CDC42BPA: variants seen among roughly 807,000 people sequenced by gnomAD.
CDC42BPA encodes the protein CDC42 binding protein kinase alpha.
In CDC42BPA, 80 loss-of-function variants were observed where a neutral mutation model predicts 223.5. The observed-to-expected ratio is 0.36, with a 90% CI of 0.30 to 0.43. The LOEUF (loss-of-function observed/expected upper bound fraction) is 0.43. Among genes scored for constraint, CDC42BPA ranks in the 20% least tolerant of loss-of-function variants. The probability of loss-of-function intolerance (pLI) is 1.00; values close to 1 mark genes in which losing one functional copy is unlikely to be tolerated. For missense variants in CDC42BPA, 1,743 were observed against 2,099.9 expected (o/e 0.83, Z 3.32); for synonymous variants, 694 against 718.6 (o/e 0.97, Z 0.55).
At chr1:227,056,676 C>G (rs1027084389) in intron 21 of CDC42BPA, among the ~76,000 whole-genome samples, 14 of 152,328 alleles carry the variant, frequency 9.2e-5, no homozygotes, top group East Asian at 1.9e-4. Flanking sequence ...CAGGCGTGAG[C>G]TACCATGCCT....
intron 3 of CDC42BPA, among the ~76,000 whole-genome samples, chr1:227,211,804 C>T (rs1673957810): frequency 6.6e-6 from 1 of 152,004 alleles, no homozygotes; most frequent in African/African-American, 2.4e-5. Context: ...GACAAGTTGC[C>T]TATTGGGTCC....
rs373384342 is a variant in CDC42BPA, at chr1:227,080,085, C to G, written c.2480+808G>C. Among the ~76,000 whole-genome samples, 191 of 152,192 alleles carry G rather than the reference C, an allele frequency of 1.3e-3. 2 individuals are homozygous for G. The highest frequency in any genetic ancestry group is 4.2e-3 in the African/African-American group (176 of 41,552). On this transcript the variant is annotated intron_variant, in intron 17 of 36. Transcript: ENST00000366766. ...AAATTTTCTACTTGTGGTGTCACGT[C>G]AGCACTCATAAAGTTTCACGTTTTG...
At chr1:227,206,990 TTACACATG>T (rs1672854561) in intron 3 of CDC42BPA, among the ~76,000 whole-genome samples, 1 of 151,966 alleles carries the variant, frequency 6.6e-6, no homozygotes, top group Admixed American at 6.6e-5. Context: ...TGCAGGTTTG[TTACACATG>T]TATACATGTG....
chr1:227,296,551 C>T (rs990524762), intron 1 of CDC42BPA, among the ~76,000 whole-genome samples: 1 of 151,606 alleles, frequency 6.6e-6, no homozygotes, highest in Admixed American at 6.6e-5. Flanking sequence ...ACTAAAAATA[C>T]AAAAATTAGC....
intron 8 of CDC42BPA, 42 bp from the exon 9 acceptor site, chr1:227,143,066 A>C: frequency 1.6e-6 from 2 of 1,262,108 alleles, no homozygotes; most frequent in Non-Finnish European, 1.1e-6. Context: ...AGATAGCTAT[A>C]TGATCTGTAG....
At chr1:227,114,246 G>C (rs1202245562) in intron 12 of CDC42BPA, among the ~76,000 whole-genome samples, 2 of 151,886 alleles carry the variant, frequency 1.3e-5, no homozygotes, top group Non-Finnish European at 2.9e-5. Flanking sequence ...AAATAAGGCG[G>C]GGAGGAGGAA....
chr1:227,034,773 T>C lies in CDC42BPA; in HGVS notation c.3358A>G (p.Lys1120Glu). The C allele has an allele frequency of 6.2e-7, 1 of 1,609,622 alleles. No individual in the cohort carries two copies. The highest frequency in any genetic ancestry group is 8.5e-7 in the Non-Finnish European group (1 of 1,178,428). ...HVRIPKPAGV[K>E]KGWQRALAIV... is the part of the protein sequence containing the mutation. ...GCCAGTGCTCTCTGCCACCCTTTCT[T>C]CACTCCAGCTGGCTTAGGAATCTTA... Residue 1120 changes from lysine (K) to glutamate (E), a missense_variant, in exon 26 of 37, where the codon AAG (lysine) becomes GAG (glutamate). Coordinates refer to ENST00000366766, the MANE Select transcript of CDC42BPA (RefSeq NM_001394014.1).
chr1:227,144,375 G>C (rs2149658981), intron 8 of CDC42BPA, among the ~76,000 whole-genome samples: 1 of 152,090 alleles, frequency 6.6e-6, no homozygotes, highest in South Asian at 2.1e-4. Flanking sequence ...AGGAGATCAA[G>C]ACCATTCTGG....
Position 227,266,638 on chromosome 1 carries a change from C to T in CDC42BPA, c.179-12483G>A, listed in dbSNP as rs548921581. 4.6e-5 allele frequency among the ~76,000 whole-genome samples: 7 copies of T among 152,298 alleles called. No homozygotes were observed. In the South Asian group the frequency reaches 1.4e-3, roughly 32 times the overall value. ...AGTTTATCACTAGTTTATAACTTAT[C>T]TCTGCATCTGTAAATTGAAACTACA... On this transcript the variant is annotated intron_variant, in intron 1 of 36. Coordinates refer to ENST00000366766, the MANE Select transcript of CDC42BPA (RefSeq NM_001394014.1).
intron 6 of CDC42BPA, among the ~76,000 whole-genome samples, chr1:227,154,015 G>T (rs1315629255): frequency 6.6e-6 from 1 of 151,814 alleles, no homozygotes; most frequent in African/African-American, 2.4e-5. Context: ...TGAATGCCAG[G>T]TAACAATACT....
intron 21 of CDC42BPA, among the ~76,000 whole-genome samples, chr1:227,054,152 C>T (rs75113628): frequency 0.13 from 19,604 of 152,040 alleles, 1,326 homozygotes; most frequent in East Asian, 0.26. Flanking sequence ...TATTTAGCCC[C>T]ACAGCTTGAC....
chr1:227,099,636 T>A (rs1298041471), intron 15 of CDC42BPA, among the ~76,000 whole-genome samples: 2 of 152,222 alleles, frequency 1.3e-5, no homozygotes, highest in Non-Finnish European at 2.9e-5. Flanking sequence ...TCTACTATTC[T>A]TTTCCCATCA....
intron 2 of CDC42BPA, among the ~76,000 whole-genome samples, chr1:227,232,291 G>C (rs186574971): frequency 6.6e-6 from 1 of 152,268 alleles, no homozygotes; most frequent in East Asian, 1.9e-4. Context: ...TCAGATTGTA[G>C]ATGTGTGGTA....
rs141418965 is a variant in CDC42BPA, at chr1:227,023,011, G to C, written c.4615+252C>G. Reference sequence around the variant, plus strand: ...AGCTACACTTTCTCTACTTACTCAGGTACTCCACAGAAAAATAACAAGGTA... The same window carrying C: ...AGCTACACTTTCTCTACTTACTCAGCTACTCCACAGAAAAATAACAAGGTA... On this transcript the variant is annotated intron_variant, in intron 32 of 36. Transcript: ENST00000366766. 6.6e-5 allele frequency among the ~76,000 whole-genome samples: 10 copies of C among 152,172 alleles called. No homozygotes were observed. In the East Asian group the frequency reaches 1.7e-3, roughly 26 times the overall value.
intron 16 of CDC42BPA, among the ~76,000 whole-genome samples, chr1:227,087,051 C>A (rs953379922): frequency 6.6e-6 from 1 of 152,032 alleles, no homozygotes; most frequent in Admixed American, 6.6e-5. Flanking sequence ...CATCTGTGCA[C>A]GTCTTTTCAT....
At chr1:227,005,193 T>C (rs1317198421) in intron 34 of CDC42BPA, 82 bp from the exon 35 acceptor site, 2 of 887,314 alleles carry the variant, frequency 2.3e-6, no homozygotes, top group Non-Finnish European at 3.7e-6. Flanking sequence ...TCACTATAAT[T>C]ACCAAGAAAT....
intron 10 of CDC42BPA, among the ~76,000 whole-genome samples, chr1:227,133,225 C>T (rs1282131437): frequency 2.0e-5 from 3 of 151,126 alleles, no homozygotes; most frequent in Non-Finnish European, 4.4e-5. Context: ...GGGGGTCAGC[C>T]CCCCGCCCGG....
chr1:226,994,011 T>G lies in CDC42BPA; in HGVS notation c.*257A>C, dbSNP rs988777373. On this transcript the variant is annotated 3_prime_UTR_variant, in exon 37 of 37. Transcript: ENST00000366766. The surrounding 1 kb of genome is among the most constrained non-coding windows in gnomAD (Gnocchi z 4.0). ...TTTGGGAGTAGGGGTAAAATGTTAC[T>G]GAAAGCAACTCTAAGTGCATGGAAT... 1 of 413,686 alleles carries G rather than the reference T, an allele frequency of 2.4e-6. No individual in the cohort carries two copies. Among genetic ancestry groups the G allele is most frequent in the East Asian group, 4.6e-5 (1 of 21,918 alleles). 25.6% of individuals were successfully genotyped at this position (413,686 alleles called of 1,614,324 possible).
At chr1:227,268,645 T>A (rs1441562959) in intron 1 of CDC42BPA, among the ~76,000 whole-genome samples, 1 of 143,250 alleles carries the variant, frequency 7.0e-6, no homozygotes, top group South Asian at 2.2e-4. Context: ...ATATATATAG[T>A]GTGTGTGTAT....
Sources: allele counts gnomAD v4.1 joint callset (sites outside exome capture counted in the v4.1 genomes callset), GRCh38; gene constraint gnomAD v4.1.1; non-coding constraint Gnocchi (gnomAD v3.1); transcripts MANE v1.5; gene names NCBI Gene and HGNC (gene_info 2026-07-23, HGNC 2026-07-21).